The following NCOR2 variants were observed in gnomAD, a reference collection of about 807,000 sequenced individuals.
NCOR2 encodes the protein CTG repeat protein 26.
Under a neutral mutation model 262.9 loss-of-function variants are expected in NCOR2, and 81 were observed. The observed-to-expected ratio is 0.31, with a 90% CI of 0.26 to 0.37. The LOEUF (loss-of-function observed/expected upper bound fraction) is 0.37, where lower values mean the gene tolerates loss of function less well. NCOR2 is among the 10% of genes least tolerant of loss of function. The probability of loss-of-function intolerance (pLI) is 1.00; values close to 1 mark genes in which losing one functional copy is unlikely to be tolerated. For synonymous variants in NCOR2, 1,659 were observed against 1,559.3 expected (o/e 1.06, Z -1.51); for missense variants, 3,385 against 3,621.4 (o/e 0.93, Z 1.68).
intron 7 of NCOR2, among the ~76,000 whole-genome samples, chr12:124,441,084 T>G (rs537898379): frequency 6.6e-6 from 1 of 152,070 alleles, no homozygotes; most frequent in African/African-American, 2.4e-5. Context: ...AAAAGACAGC[T>G]GTGAAGGCCT....
intron 8 of NCOR2, among the ~76,000 whole-genome samples, chr12:124,431,408 GCAGA>G (rs139984344): frequency 0.026 from 3,838 of 148,242 alleles, 141 homozygotes; most frequent in African/African-American, 0.088. Context: ...AGATACACAG[GCAGA>G]CAGACAGACA....
At chr12:124,506,439 C>G (rs1054239290) in intron 1 of NCOR2, among the ~76,000 whole-genome samples, 3 of 152,310 alleles carry the variant, frequency 2.0e-5, no homozygotes, top group South Asian at 2.1e-4. Flanking sequence ...CCTGCTCCCC[C>G]GCCACGGCGA....
intron 20 of NCOR2, among the ~76,000 whole-genome samples, chr12:124,365,738 C>T (rs1010497184): frequency 1.3e-5 from 2 of 151,818 alleles, no homozygotes; most frequent in African/African-American, 4.8e-5. Context: ...CCTCCCTCCA[C>T]CTGTCCAGAC....
chr12:124,474,466 A>G (rs1230752415), intron 3 of NCOR2, among the ~76,000 whole-genome samples: 1 of 152,156 alleles, frequency 6.6e-6, no homozygotes, highest in Non-Finnish European at 1.5e-5. Flanking sequence ...TCAGTTATCC[A>G]TGGACGCCTT....
intron 1 of NCOR2, among the ~76,000 whole-genome samples, chr12:124,501,489 G>C (rs576187035): frequency 6.9e-6 from 1 of 144,970 alleles, no homozygotes; most frequent in Non-Finnish European, 1.5e-5. Flanking sequence ...CGGCCTCTGG[G>C]GGCTCTGGGG....
At chr12:124,339,893 G>A in intron 37 of NCOR2, 113 bp downstream of exon 39, 2 of 566,002 alleles carry the variant, frequency 3.5e-6, no homozygotes, top group Non-Finnish European at 6.1e-6. Context: ...CCACACATCT[G>A]CCCACCCACC....
At chr12:124,546,086 G>T (rs547681150) in intron 1 of NCOR2, among the ~76,000 whole-genome samples, 1 of 152,222 alleles carries the variant, frequency 6.6e-6, no homozygotes, top group African/African-American at 2.4e-5. Context: ...CACAGGTCTC[G>T]TGATCTCAGG....
chr12:124,437,596 T>G (rs2136405446), intron 8 of NCOR2, among the ~76,000 whole-genome samples: 1 of 152,126 alleles, frequency 6.6e-6, no homozygotes, highest in East Asian at 1.9e-4. Context: ...CCTCCACCTC[T>G]CTCCAAAACC....
intron 3 of NCOR2, among the ~76,000 whole-genome samples, chr12:124,477,504 T>A (rs372153928): frequency 2.4e-3 from 373 of 152,318 alleles, no homozygotes; most frequent in African/African-American, 8.5e-3. Flanking sequence ...TTAATGAGTA[T>A]GGGGGTCTCC....
intron 20 of NCOR2, among the ~76,000 whole-genome samples, chr12:124,371,601 G>A (rs772672154): frequency 5.3e-5 from 8 of 152,306 alleles, no homozygotes; most frequent in Middle Eastern, 3.4e-3. Context: ...TGGAAGAGGC[G>A]GGATGGATCT....
chr12:124,354,312 G>C (rs957425471), intron 26 of NCOR2, 116 bp from the exon 29 acceptor site: 7 of 1,223,234 alleles, frequency 5.7e-6, no homozygotes, highest in Non-Finnish European at 8.0e-6. Context: ...TTGTTTCAAC[G>C]CAGAGGGAGT....
chr12:124,428,853 C>T (rs114859821), intron 10 of NCOR2, among the ~76,000 whole-genome samples: 1,620 of 152,330 alleles, frequency 0.011, 34 homozygotes, highest in African/African-American at 0.037. Context: ...AAGGAAGAAA[C>T]GTGCCGTGGC....
chr12:124,384,147 C>T lies in NCOR2; in HGVS notation c.2019+1598G>A, dbSNP rs1383268157. On this transcript the variant is annotated intron_variant, in intron 17 of 46. Coordinates refer to ENST00000405201, the Ensembl canonical transcript of NCOR2. The stretch of plus-strand genomic sequence containing the variant: ...GGCCAAAGCCCTGCCCCCAAGTCAT[C>T]CTGGATGAACCACCTCAGACTCCTG... Among the ~76,000 whole-genome samples the T allele has an allele frequency of 5.3e-5, 8 of 152,340 alleles. No homozygotes were observed. In the East Asian group the frequency reaches 1.2e-3, roughly 22 times the overall value.
chr12:124,378,507 T>G lies in NCOR2; in HGVS notation c.2020-123A>C. ...GATCCCGGCCATGTAGCAATGAGGG[T>G]GACCGTCCCCCTCACACCCCACCTC... is the stretch of plus-strand genomic sequence containing the variant. On this transcript the variant is annotated intron_variant, in intron 17 of 46. Coordinates refer to ENST00000405201, the Ensembl canonical transcript of NCOR2. The surrounding 1 kb of genome is among the most constrained non-coding windows in gnomAD (Gnocchi z 4.2). 9.8e-7 allele frequency: 1 copy of G among 1,016,834 alleles called. No homozygotes were observed. The allele number at this position is 1,016,834 out of a possible 1,614,324, so 63.0% of individuals were successfully genotyped here. A position where few individuals can be genotyped will look rare whatever the true frequency, so the allele number is the denominator to read the frequency against.
rs1228747619 is a variant in NCOR2 at position 124,482,642 on chromosome 12, G to C, written c.411+954C>G. Among the ~76,000 whole-genome samples, 1 of 152,228 alleles carries C rather than the reference G, an allele frequency of 6.6e-6. No homozygotes were observed. Among genetic ancestry groups the C allele is most frequent in the East Asian group, 1.9e-4 (1 of 5,196 alleles). ...ACAAAGGCAGCACAGCTGTGGAGGT[G>C]GGGGTGGTGGAAATCGCACCTGGGT... On this transcript the variant is annotated intron_variant, in intron 3 of 46. Coordinates refer to ENST00000405201, the Ensembl canonical transcript of NCOR2. The surrounding 1 kb of genome is among the most constrained non-coding windows in gnomAD (Gnocchi z 6.3).
At chr12:124,532,904 C>G (rs1029646108) in intron 1 of NCOR2, among the ~76,000 whole-genome samples, 17 of 145,978 alleles carry the variant, frequency 1.2e-4, no homozygotes, top group African/African-American at 4.3e-4. Flanking sequence ...CCTCTTTCCC[C>G]CCTCCCTCCA....
intron 13 of NCOR2, among the ~76,000 whole-genome samples, chr12:124,406,968 A>G (rs1441762013): frequency 3.3e-5 from 5 of 152,234 alleles, no homozygotes; most frequent in Admixed American, 3.3e-4. Context: ...TCCTCCCAAC[A>G]ACTGGTATCA....
chr12:124,427,614 G>A (rs2043629035), intron 10 of NCOR2, among the ~76,000 whole-genome samples: 1 of 152,210 alleles, frequency 6.6e-6, no homozygotes, highest in African/African-American at 2.4e-5. Flanking sequence ...GTCAGGTCGG[G>A]TGCGGGGCAC....
chr12:124,537,002 T>C (rs573179811), upstream of NCOR2, among the ~76,000 whole-genome samples: 4 of 152,306 alleles, frequency 2.6e-5, no homozygotes, highest in Non-Finnish European at 4.4e-5. Context: ...CAGGGAGGAA[T>C]CTGAGACTCA....
Sources: allele counts gnomAD v4.1 joint callset (sites outside exome capture counted in the v4.1 genomes callset), GRCh38; gene constraint gnomAD v4.1.1; non-coding constraint Gnocchi (gnomAD v3.1); transcripts MANE v1.5; gene names NCBI Gene and HGNC (gene_info 2026-07-23, HGNC 2026-07-21).